FAM81A: variants seen among roughly 807,000 people sequenced by gnomAD.
FAM81A encodes the protein family with sequence similarity 81 member A.
FAM81A carries 19 observed loss-of-function variants against 46.7 expected under a neutral mutation model. The ratio of observed to expected loss-of-function variants is 0.41; its 90% CI spans 0.28 to 0.60. FAM81A has a LOEUF of 0.60. FAM81A is among the 20% of genes least tolerant of loss of function. The pLI is 0.34. For synonymous variants in FAM81A, 183 were observed against 152.9 expected (o/e 1.20, Z -1.45); for missense variants, 377 against 453.5 (o/e 0.83, Z 1.53).
intron 3 of FAM81A, among the ~76,000 whole-genome samples, chr15:59,462,329 T>A (rs1010653434): frequency 3.9e-5 from 6 of 152,226 alleles, no homozygotes; most frequent in Non-Finnish European, 7.3e-5. Context: ...ATTATCTTTT[T>A]TTATTATAGT....
At chr15:59,424,704 T>C (rs1201518890) in intron 2 of FAM81A, among the ~76,000 whole-genome samples, 1 of 152,252 alleles carries the variant, frequency 6.6e-6, no homozygotes, top group Non-Finnish European at 1.5e-5. Flanking sequence ...TTCTCTTTCC[T>C]CTTTTCCTGC....
chr15:59,514,879 C>T lies in FAM81A; in HGVS notation c.786+455C>T, dbSNP rs185090337. ...TGTAAACAGAATCCACCATTTTTTT[C>T]CCCATTTTCCTTCTCCTTCATCCCA... On this transcript the variant is annotated intron_variant, in intron 7 of 8. Transcript: ENST00000288228. 2.8e-3 allele frequency among the ~76,000 whole-genome samples: 429 copies of T among 152,096 alleles called. 10 individuals are homozygous for T. The highest frequency in any genetic ancestry group is 0.025 in the Admixed American group (388 of 15,284).
chr15:59,452,563 C>A (rs1366545699), intron 1 of FAM81A, among the ~76,000 whole-genome samples: 2 of 152,116 alleles, frequency 1.3e-5, no homozygotes, highest in African/African-American at 4.8e-5. Flanking sequence ...AGGAGGATTG[C>A]TTGAGCCTAG....
At chr15:59,408,672 C>T (rs1196772832) in intron 2 of FAM81A, among the ~76,000 whole-genome samples, 1 of 151,842 alleles carries the variant, frequency 6.6e-6, no homozygotes, top group Non-Finnish European at 1.5e-5. Flanking sequence ...ACTAAAAATA[C>T]AAAAAAATGA....
chr15:59,501,882 A>G (rs1269029818), intron 4 of FAM81A, among the ~76,000 whole-genome samples: 1 of 152,094 alleles, frequency 6.6e-6, no homozygotes, highest in Non-Finnish European at 1.5e-5. Context: ...GTTGAGCCAT[A>G]TGCGCAGTTA....
intron 6 of FAM81A, among the ~76,000 whole-genome samples, chr15:59,509,257 C>T (rs2082180063): frequency 6.6e-6 from 1 of 152,108 alleles, no homozygotes; most frequent in African/African-American, 2.4e-5. Flanking sequence ...TGTTCTTATC[C>T]TTGTGGAGTT....
chr15:59,416,276 G>A (rs997760379), intron 2 of FAM81A, among the ~76,000 whole-genome samples: 1 of 152,188 alleles, frequency 6.6e-6, no homozygotes, highest in Non-Finnish European at 1.5e-5. Context: ...TGCAACCGGG[G>A]CTCCGTCCTG....
In FAM81A at chr15:59,505,634, C is replaced by T. The variant is rs529620128; in HGVS notation, c.414-1579C>T. Among the ~76,000 whole-genome samples the T allele has an allele frequency of 3.9e-5, 6 of 152,242 alleles. No individual in the cohort carries two copies. In the South Asian group the frequency reaches 8.3e-4, roughly 21 times the overall value. ...GGATGTACACCTCACATCTGCAGTT[C>T]ACCCCTGTGTCTGCCCACCACTGAC... On this transcript the variant is annotated intron_variant, in intron 4 of 8. Transcript: ENST00000288228.
intron 1 of FAM81A, among the ~76,000 whole-genome samples, chr15:59,439,745 A>G (rs956057570): frequency 2.0e-5 from 3 of 152,168 alleles, no homozygotes; most frequent in Non-Finnish European, 1.5e-5. Context: ...TAGCATACGG[A>G]TAGAAAAATA....
At chr15:59,433,140 C>CAAAA (rs552850890) in intron 2 of FAM81A, among the ~76,000 whole-genome samples, 3 of 42,418 alleles carry the variant, frequency 7.1e-5, no homozygotes, top group Admixed American at 3.3e-4. Context: ...GACTCCGTCT[C>CAAAA]AAAAAAAAAA....
At chr15:59,447,617 GC>G (rs766293559) in intron 1 of FAM81A, among the ~76,000 whole-genome samples, 1 of 152,166 alleles carries the variant, frequency 6.6e-6, no homozygotes, top group Non-Finnish European at 1.5e-5. Context: ...CTTTCCTTTG[GC>G]CTTGTCAATC....
chr15:59,417,586 A>G (rs1459371264), intron 2 of FAM81A, among the ~76,000 whole-genome samples: 1 of 151,800 alleles, frequency 6.6e-6, no homozygotes, highest in Non-Finnish European at 1.5e-5. Context: ...ATAATGGTGC[A>G]CGCCTGTAAT....
chr15:59,411,321 CAG>C (rs1161765104), intron 2 of FAM81A, among the ~76,000 whole-genome samples: 1 of 151,998 alleles, frequency 6.6e-6, no homozygotes, highest in East Asian at 1.9e-4. Flanking sequence ...GGACTGGACT[CAG>C]AGGAGAAGAT....
At position 59,458,549 on chromosome 15, in the gene FAM81A, GAT is replaced by G; in HGVS notation, c.-77_-76del. ...TAATTTAGTGCTTATTTTTTCAACA[GAT>G]GTGAATTATTAAAAAGAAAATGGCC... On this transcript the variant is annotated splice_region_variant and 5_prime_UTR_variant, in exon 2 of 9. Transcript: ENST00000288228. The G allele has an allele frequency of 6.2e-7, 1 of 1,606,876 alleles. No homozygotes were observed. Among genetic ancestry groups the G allele is most frequent in the Non-Finnish European group, 8.5e-7 (1 of 1,175,654 alleles).
At chr15:59,485,281 T>C (rs1010948024) in intron 3 of FAM81A, among the ~76,000 whole-genome samples, 9 of 152,118 alleles carry the variant, frequency 5.9e-5, no homozygotes, top group African/African-American at 1.9e-4. Flanking sequence ...CGGGTAGCCA[T>C]GTAGTGATTA....
intron 4 of FAM81A, among the ~76,000 whole-genome samples, chr15:59,500,714 A>G (rs2082082512): frequency 6.6e-6 from 1 of 151,178 alleles, no homozygotes; most frequent in Non-Finnish European, 1.5e-5. Flanking sequence ...ATCTCTGTTC[A>G]TCAGACTGCA....
chr15:59,491,388 TAG>T (rs1372820897), intron 3 of FAM81A, among the ~76,000 whole-genome samples: 1 of 151,410 alleles, frequency 6.6e-6, no homozygotes, highest in African/African-American at 2.4e-5. Flanking sequence ...CTCACGGAGA[TAG>T]AGAGTAGAAT....
intron 3 of FAM81A, among the ~76,000 whole-genome samples, chr15:59,475,099 A>T (rs2081748784): frequency 6.6e-6 from 1 of 152,172 alleles, no homozygotes; most frequent in South Asian, 2.1e-4. Flanking sequence ...CTGCCTAAGG[A>T]ATCTGAAGTC....
At chr15:59,448,806 A>G (rs888592690) in intron 1 of FAM81A, among the ~76,000 whole-genome samples, 2 of 152,064 alleles carry the variant, frequency 1.3e-5, no homozygotes, top group African/African-American at 4.8e-5. Context: ...GCTGTTCGCC[A>G]CCATGCCTGG....
Sources: allele counts gnomAD v4.1 joint callset (sites outside exome capture counted in the v4.1 genomes callset), GRCh38; gene constraint gnomAD v4.1.1; transcripts MANE v1.5; gene names NCBI Gene and HGNC (gene_info 2026-07-23, HGNC 2026-07-21).